Variants in LOXL1 observed in about 807,000 individuals in gnomAD.
LOXL1 encodes lysyl oxidase homolog 1.
Under a neutral mutation model 62.2 loss-of-function variants are expected in LOXL1, and 31 were observed. The ratio of observed to expected loss-of-function variants is 0.50; its 90% CI spans 0.37 to 0.67. LOXL1 has a LOEUF of 0.67. Ranked by LOEUF, LOXL1 falls within the 30% of genes least tolerant of loss-of-function variation. The probability of loss-of-function intolerance (pLI) is 0.00; values close to 1 mark genes in which losing one functional copy is unlikely to be tolerated. For synonymous variants in LOXL1, 403 were observed against 384.4 expected (o/e 1.05, Z -0.56); for missense variants, 775 against 843.4 (o/e 0.92, Z 1.00).
At chr15:73,944,336 C>T (rs1273728139) in intron 2 of LOXL1, among the ~76,000 whole-genome samples, 1 of 152,246 alleles carries the variant, frequency 6.6e-6, no homozygotes, top group Admixed American at 6.5e-5. Context: ...ACCTGCGCTC[C>T]CAGCTGGGGA....
rs768244719 is a variant in LOXL1 at position 73,938,226 on chromosome 15, G to A, written c.1103-4628G>A. Reference sequence around the variant, plus strand: ...ACCCGGGAGGTGGAGGTTGCAGTGAGCTAAGATGGCGCCATTGCAGTCCAG... The same window carrying A: ...ACCCGGGAGGTGGAGGTTGCAGTGAACTAAGATGGCGCCATTGCAGTCCAG... On this transcript the variant is annotated intron_variant, in intron 1 of 6. Transcript: ENST00000261921. Among the ~76,000 whole-genome samples, 13 of 152,096 alleles carry A rather than the reference G, an allele frequency of 8.5e-5. No individual in the cohort carries two copies. In the South Asian group the frequency reaches 1.9e-3, roughly 22 times the overall value.
chr15:73,946,390 CCCT>C, intron 2 of LOXL1, 24 bp from the exon 3 acceptor site: 5 of 1,524,942 alleles, frequency 3.3e-6, no homozygotes, highest in Non-Finnish European at 4.5e-6. Flanking sequence ...CCCCAACCCC[CCCT>C]CATCTCCCCC....
chr15:73,946,995 A>T, intron 3 of LOXL1, 72 bp from the exon 4 acceptor site: 19 of 1,432,792 alleles, frequency 1.3e-5, no homozygotes, highest in Non-Finnish European at 1.8e-5. Flanking sequence ...AGCCCATCTC[A>T]GGATGGGGAC....
chr15:73,947,460 A>G (rs931565088), intron 4 of LOXL1: 4 of 520,692 alleles, frequency 7.7e-6, no homozygotes, highest in Non-Finnish European at 1.4e-5. Flanking sequence ...AGAAGGAAAC[A>G]TCGCAACAGT....
At chr15:73,932,191 A>G (rs752471784) in intron 1 of LOXL1, among the ~76,000 whole-genome samples, 16 of 152,184 alleles carry the variant, frequency 1.1e-4, no homozygotes, top group African/African-American at 1.9e-4. Flanking sequence ...CACCTCCCAC[A>G]TCTGCATCCA....
chr15:73,949,950 C>T (rs988605323), intron 6 of LOXL1, among the ~76,000 whole-genome samples: 32 of 152,168 alleles, frequency 2.1e-4, no homozygotes, highest in African/African-American at 7.5e-4. Flanking sequence ...ATAGGTATTT[C>T]CACATAGGCT....
intron 1 of LOXL1, among the ~76,000 whole-genome samples, chr15:73,931,670 C>G (rs1382844695): frequency 6.6e-6 from 1 of 152,158 alleles, no homozygotes; most frequent in African/African-American, 2.4e-5. Context: ...GACCCTCAGT[C>G]CCTGAGAGCA....
intron 5 of LOXL1, 78 bp from the exon 6 acceptor site, chr15:73,949,381 A>G: frequency 1.2e-6 from 1 of 829,750 alleles, no homozygotes; most frequent in South Asian, 1.4e-5. Flanking sequence ...CTGCCTCTTT[A>G]CCACCTTCTC....
intron 6 of LOXL1, 53 bp downstream of exon 6, chr15:73,949,627 G>A: frequency 2.4e-6 from 3 of 1,246,542 alleles, no homozygotes; most frequent in Non-Finnish European, 2.4e-6. Flanking sequence ...TGCCTGGGGA[G>A]CAGGCAAGGC....
Position 73,926,960 on chromosome 15 carries a change from A to C in LOXL1, c.177A>C (p.Ser59=). 2 of 1,547,926 alleles carry C rather than the reference A, an allele frequency of 1.3e-6. No homozygotes were observed. The highest frequency in any genetic ancestry group is 1.7e-6 in the Non-Finnish European group (2 of 1,147,470). The change falls in exon 1 of 7, where the codon TCA becomes TCC. Residue 59 remains serine, a synonymous_variant. Transcript: ENST00000261921. ...GQVYSLLNSG[S]EYVPAGPQRS... ...TGTACAGCTTGCTCAACTCGGGCTC[A>C]GAGTACGTGCCGGCCGGACCTCAGC...
At position 73,930,710 on chromosome 15, in the gene LOXL1, C is replaced by G. The variant is rs1350820141; in HGVS notation, c.1102+2825C>G. 6.6e-6 allele frequency among the ~76,000 whole-genome samples: 1 copy of G among 152,196 alleles called. No homozygotes were observed. Among genetic ancestry groups the G allele is most frequent in the Non-Finnish European group, 1.5e-5 (1 of 68,022 alleles). On this transcript the variant is annotated intron_variant, in intron 1 of 6. Coordinates refer to ENST00000261921, the MANE Select transcript of LOXL1 (RefSeq NM_005576.4). This position sits in a 1 kb window ranked among gnomAD's most constrained non-coding sequence, Gnocchi z 4.7. ...CCTCCCTCCATGGGTGGGTGGTTTC[C>G]AAGCGCCTGTCCTGAGCCCAGTTTC...
chr15:73,944,147 C>G (rs941709818), intron 2 of LOXL1, among the ~76,000 whole-genome samples: 2 of 152,170 alleles, frequency 1.3e-5, no homozygotes, highest in Admixed American at 1.3e-4. Flanking sequence ...GCCAGCCTGT[C>G]TGGGCAGTTC....
At chr15:73,928,600 G>A (rs1323270324) in intron 1 of LOXL1, among the ~76,000 whole-genome samples, 2 of 12,892 alleles carry the variant, frequency 1.6e-4, no homozygotes, top group Non-Finnish European at 3.0e-4. Flanking sequence ...CAAAATTAAT[G>A]CAAAAAAAAA....
chr15:73,936,937 C>T (rs1435119397), intron 1 of LOXL1, among the ~76,000 whole-genome samples: 1 of 152,230 alleles, frequency 6.6e-6, no homozygotes, highest in African/African-American at 2.4e-5. Flanking sequence ...ATTTTAATCT[C>T]CAAGTGTTTA....
At chr15:73,938,204 C>G (rs554139091) in intron 1 of LOXL1, among the ~76,000 whole-genome samples, 2 of 152,086 alleles carry the variant, frequency 1.3e-5, no homozygotes, top group East Asian at 3.9e-4. Context: ...TGCTTGAACC[C>G]GGGAGGTGGA....
intron 6 of LOXL1, among the ~76,000 whole-genome samples, chr15:73,951,395 C>T (rs1006346826): frequency 8.5e-5 from 13 of 152,152 alleles, no homozygotes; most frequent in Middle Eastern, 3.4e-3. Flanking sequence ...TGACCCTGAC[C>T]GCAGGCAGGC....
Position 73,926,906 on chromosome 15 carries a change from G to A in LOXL1, c.123G>A (p.Gln41=), listed in dbSNP as rs2068582741. The change falls in exon 1 of 7, where the codon CAG becomes CAA. Residue 41 remains glutamine (Q), a synonymous_variant. Transcript: ENST00000261921. ...GQGSDPARWR[Q]LIQWENNGQV... ...GCTCGGACCCCGCCCGCTGGCGGCA[G>A]CTGATCCAGTGGGAGAACAACGGGC... 6.4e-7 allele frequency: 1 copy of A among 1,568,906 alleles called. No homozygotes were observed. The highest frequency in any genetic ancestry group is 8.6e-7 in the Non-Finnish European group (1 of 1,158,058).
At position 73,927,635 on chromosome 15, in the gene LOXL1, C is replaced by T. The variant is rs1380302387; in HGVS notation, c.852C>T (p.Pro284=). ...YSHSLYSEGT[P]GFEQAYPDPG... ...ACAGTCTGTACAGCGAGGGCACCCC[C>T]GGCTTCGAGCAGGCCTACCCTGACC... Residue 284 remains proline, a synonymous_variant, in exon 1 of 7, where the codon CCC becomes CCT. Transcript: ENST00000261921. 3 of 1,488,138 alleles carry T rather than the reference C, an allele frequency of 2.0e-6. No homozygotes were observed. The highest frequency in any genetic ancestry group is 2.9e-5 in the African/African-American group (2 of 68,666). The allele number at this position is 1,488,138 out of a possible 1,614,324, so 92.2% of individuals were successfully genotyped here. A position where few individuals can be genotyped will look rare whatever the true frequency, so the allele number is the denominator to read the frequency against.
In LOXL1 at chr15:73,951,915, C is replaced by A; in HGVS notation, c.*78C>A. ...CCCCGGGCAGCCTCCCGCCGAGGGGCCCAGCCCCCAACCCACAGGCACGGA... is the reference window on the plus strand; with the variant it reads ...CCCCGGGCAGCCTCCCGCCGAGGGGACCAGCCCCCAACCCACAGGCACGGA... On this transcript the variant is annotated 3_prime_UTR_variant, in exon 7 of 7. Transcript: ENST00000261921. 1.5e-6 allele frequency: 2 copies of A among 1,334,658 alleles called. No homozygotes were observed. The highest frequency in any genetic ancestry group is 2.0e-6 in the Non-Finnish European group (2 of 1,018,066). 82.7% of individuals were successfully genotyped at this position (1,334,658 alleles called of 1,614,324 possible).
Sources: allele counts gnomAD v4.1 joint callset (sites outside exome capture counted in the v4.1 genomes callset), GRCh38; gene constraint gnomAD v4.1.1; non-coding constraint Gnocchi (gnomAD v3.1); transcripts MANE v1.5; gene names NCBI Gene and HGNC (gene_info 2026-07-23, HGNC 2026-07-21).